Variants in ARHGEF37 observed in about 807,000 individuals in gnomAD.
ARHGEF37 encodes Rho guanine nucleotide exchange factor 37.
ARHGEF37 carries 55 observed loss-of-function variants against 71.1 expected under a neutral mutation model. The observed-to-expected ratio is 0.77, with a 90% confidence interval of 0.62 to 0.97. ARHGEF37 has a LOEUF of 0.97. ARHGEF37 is among the 50% of genes least tolerant of loss of function. ARHGEF37 has a pLI of 0.00. For synonymous variants in ARHGEF37, 327 were observed against 350.6 expected, an observed-to-expected ratio of 0.93 and a Z score of 0.75; for missense variants, 765 against 836.8, an observed-to-expected ratio of 0.91 and a Z score of 1.06.
At chr5:149,629,845 A>T (rs1163913704) in intron 12 of ARHGEF37, among the ~76,000 whole-genome samples, 1 of 152,244 alleles carries the variant, frequency 6.6e-6, no homozygotes, top group African/African-American at 2.4e-5. Context: ...TGTACAATGG[A>T]ATATTATTCA....
intron 8 of ARHGEF37, among the ~76,000 whole-genome samples, chr5:149,620,982 G>A (rs144088647): frequency 3.3e-4 from 50 of 152,280 alleles, no homozygotes; most frequent in African/African-American, 1.2e-3. Context: ...TCTATGCTAA[G>A]CCCTTTATAT....
chr5:149,618,976 C>T lies in ARHGEF37; in HGVS notation c.828C>T (p.Phe276=), dbSNP rs1237470581. 2 of 1,614,140 alleles carry T rather than the reference C, an allele frequency of 1.2e-6. No individual in the cohort carries two copies. The highest frequency in any genetic ancestry group is 2.2e-5 in the South Asian group (2 of 91,074). The change falls in exon 7 of 13, where the codon TTC becomes TTT. Residue 276 remains phenylalanine (F), a synonymous_variant. Coordinates refer to ENST00000333677, the MANE Select transcript of ARHGEF37 (RefSeq NM_001001669.3). ...AATTTGATGATTTAGAAGAGAGGTTCCAGTGGGTGTCTCTGTGTGTGACTG... is the reference window on the plus strand; with the variant it reads ...AATTTGATGATTTAGAAGAGAGGTTTCAGTGGGTGTCTCTGTGTGTGACTG... ...DKEFDDLEER[F]QWVSLCVTEL...
chr5:149,587,894 C>CT (rs3994917), intron 1 of ARHGEF37, among the ~76,000 whole-genome samples: 5,260 of 129,026 alleles, frequency 0.041, 410 homozygotes, highest in African/African-American at 0.14. Flanking sequence ...TCCCTTTAGT[C>CT]TTTTTTTTTT....
At position 149,605,247 on chromosome 5, in the gene ARHGEF37, GA is replaced by G. The variant is rs200546526; in HGVS notation, c.310+4023del. ...ATCTCAAAAAAAAAAAAAAAGAAAA[GA>G]AAAAAAGAAATATAACGTTAGCTGC... On this transcript the variant is annotated intron_variant, in intron 3 of 12. Transcript: ENST00000333677. Among the ~76,000 whole-genome samples, 302 of 148,238 alleles carry G rather than the reference GA, an allele frequency of 2.0e-3. 1 individual carries two copies. The highest frequency in any genetic ancestry group is 7.2e-3 in the African/African-American group (289 of 40,410).
At chr5:149,616,529 G>A (rs755147462) in intron 4 of ARHGEF37, 38 bp from the exon 5 acceptor site, 2 of 1,562,596 alleles carry the variant, frequency 1.3e-6, no homozygotes, top group South Asian at 1.2e-5. Flanking sequence ...CCTCCAGAGG[G>A]TGGGATTTAC....
chr5:149,560,525 A>C (rs953236313), intron 1 of ARHGEF37, among the ~76,000 whole-genome samples: 2 of 152,238 alleles, frequency 1.3e-5, no homozygotes, highest in African/African-American at 4.8e-5. Flanking sequence ...TCCTGACCTT[A>C]GTCAGGAAAT....
chr5:149,633,879 T>C lies in ARHGEF37; in HGVS notation c.*1688T>C, dbSNP rs1453773043. 1 of 152,238 alleles carries C rather than the reference T, an allele frequency of 6.6e-6. No homozygotes were observed. Among genetic ancestry groups the C allele is most frequent in the Non-Finnish European group, 1.5e-5 (1 of 68,030 alleles). 9.4% of individuals were successfully genotyped at this position (152,238 alleles called of 1,614,324 possible). On this transcript the variant is annotated 3_prime_UTR_variant, in exon 13 of 13. Transcript: ENST00000333677. ...AGAGAAATGCAAGCCCTACGGTTCC[T>C]TTCTCAGCAGCGAATTCACTTGAGA...
intron 2 of ARHGEF37, among the ~76,000 whole-genome samples, chr5:149,600,012 C>T (rs1443456222): frequency 1.3e-5 from 2 of 152,268 alleles, no homozygotes; most frequent in African/African-American, 4.8e-5. Context: ...CATGTGTGAA[C>T]ATCATAGAGT....
At chr5:149,596,199 A>C (rs898483772) in intron 1 of ARHGEF37, among the ~76,000 whole-genome samples, 1 of 152,130 alleles carries the variant, frequency 6.6e-6, no homozygotes, top group African/African-American at 2.4e-5. Flanking sequence ...CCTCCCTTAC[A>C]AGATCTGTCA....
chr5:149,620,765 A>G (rs1752518198), intron 8 of ARHGEF37, among the ~76,000 whole-genome samples: 1 of 151,350 alleles, frequency 6.6e-6, no homozygotes, highest in Admixed American at 6.6e-5. Flanking sequence ...CAGGAGGCAG[A>G]GGTTGCAGTG....
chr5:149,575,914 C>T (rs1763023733), intron 1 of ARHGEF37, among the ~76,000 whole-genome samples: 1 of 151,196 alleles, frequency 6.6e-6, no homozygotes, highest in African/African-American at 2.4e-5. Flanking sequence ...ATTAGCTGGG[C>T]GTGTTGGCAC....
intron 10 of ARHGEF37, 112 bp from the exon 11 acceptor site, chr5:149,626,963 AG>A: frequency 8.7e-7 from 1 of 1,155,370 alleles, no homozygotes; most frequent in African/African-American, 1.5e-5. Flanking sequence ...CTTCAGTGGC[AG>A]AGTTAGGATC....
At chr5:149,568,132 C>T (rs972240467) in intron 1 of ARHGEF37, among the ~76,000 whole-genome samples, 5 of 152,000 alleles carry the variant, frequency 3.3e-5, no homozygotes, top group African/African-American at 1.2e-4. Flanking sequence ...GTTATCCTCC[C>T]ACCTCAGGCT....
At chr5:149,586,416 G>A (rs1220030805) in intron 1 of ARHGEF37, among the ~76,000 whole-genome samples, 1 of 151,890 alleles carries the variant, frequency 6.6e-6, no homozygotes, top group East Asian at 1.9e-4. Flanking sequence ...GCACCACCAT[G>A]CCTGGCTAAT....
chr5:149,624,898 G>C (rs1434799900), intron 10 of ARHGEF37, among the ~76,000 whole-genome samples: 2 of 83,878 alleles, frequency 2.4e-5, no homozygotes, highest in Non-Finnish European at 2.4e-5. Flanking sequence ...AAATGCTTTT[G>C]GGTTTTTTTT....
intron 1 of ARHGEF37, among the ~76,000 whole-genome samples, chr5:149,561,119 A>G (rs1445431113): frequency 6.6e-6 from 1 of 152,044 alleles, no homozygotes; most frequent in Non-Finnish European, 1.5e-5. Flanking sequence ...CTAAAAATAC[A>G]AAAATTTGCT....
chr5:149,625,152 G>T (rs903354905), intron 10 of ARHGEF37, among the ~76,000 whole-genome samples: 2 of 152,030 alleles, frequency 1.3e-5, no homozygotes, highest in Non-Finnish European at 2.9e-5. Context: ...TGATCCACCC[G>T]CCTCAGCCTC....
At chr5:149,602,334 C>T (rs940822058) in intron 3 of ARHGEF37, among the ~76,000 whole-genome samples, 7 of 152,068 alleles carry the variant, frequency 4.6e-5, no homozygotes, top group Non-Finnish European at 1.0e-4. Flanking sequence ...GGATTACAGG[C>T]GTGAGCCACT....
At chr5:149,573,877 T>C (rs376954151) in intron 1 of ARHGEF37, among the ~76,000 whole-genome samples, 6 of 152,324 alleles carry the variant, frequency 3.9e-5, no homozygotes, top group African/African-American at 9.6e-5. Flanking sequence ...CTTGTTCTTA[T>C]TGGCTGCATA....
Sources: allele counts gnomAD v4.1 joint callset (sites outside exome capture counted in the v4.1 genomes callset), GRCh38; gene constraint gnomAD v4.1.1; transcripts MANE v1.5; gene names NCBI Gene and HGNC (gene_info 2026-07-23, HGNC 2026-07-21).